The following DCAF6 variants were observed in gnomAD, a reference collection of about 807,000 sequenced individuals.
DCAF6 encodes DDB1- and CUL4-associated factor 6.
Under a neutral mutation model 125.1 loss-of-function variants are expected in DCAF6, and 54 were observed. That is an observed-to-expected ratio of 0.43 (90% confidence interval 0.35 to 0.54). The LOEUF is 0.54. Ranked by LOEUF, DCAF6 falls within the 20% of genes least tolerant of loss-of-function variation. DCAF6 has a pLI of 0.01. For synonymous variants in DCAF6, 371 were observed against 390.4 expected, an observed-to-expected ratio of 0.95 and a Z score of 0.58; for missense variants, 934 against 1,161.7, an observed-to-expected ratio of 0.80 and a Z score of 2.85.
Position 167,993,241 on chromosome 1 carries a change from G to C in DCAF6, c.704G>C (p.Arg235Pro), listed in dbSNP as rs1049258261. ...TCTTTTTTAGGGAATTATGCAGGTC[G>C]AGGGACTACTGGAATGGTTGCCCGT... Reference protein sequence around the residue: ...GTRATGNYAGRGTTGMVARFI... With the variant: ...GTRATGNYAGPGTTGMVARFI... Residue 235 changes from arginine (R) to proline (P), a missense_variant, in exon 7 of 22, where the codon CGA becomes CCA. Physicochemically the swap from Arg to Pro is moderately radical, Grantham distance 103 (BLOSUM62 -2). Coordinates refer to ENST00000367840, the MANE Select transcript of DCAF6 (RefSeq NM_001198956.2). The C allele has an allele frequency of 1.9e-6, 3 of 1,613,558 alleles. No individual in the cohort carries two copies. The African/African-American group carries it at 4.0e-5, about 22-fold the overall frequency.
At chr1:167,911,168 T>C in the DCAF6 span, among the ~76,000 whole-genome samples, 1 of 152,194 alleles carries the variant, frequency 6.6e-6, no homozygotes, top group Non-Finnish European at 1.5e-5. Flanking sequence ...CTGGGCAGTT[T>C]TAGGAAGTGT....
At chr1:167,981,140 C>T (rs189238313) in intron 4 of DCAF6, among the ~76,000 whole-genome samples, 4 of 152,130 alleles carry the variant, frequency 2.6e-5, no homozygotes, top group African/African-American at 9.6e-5. Context: ...CTCCTGAGCT[C>T]AGGTAATCTG....
intron 2 of DCAF6, among the ~76,000 whole-genome samples, chr1:167,960,559 C>A (rs1675430847): frequency 6.6e-6 from 1 of 152,140 alleles, no homozygotes; most frequent in Non-Finnish European, 1.5e-5. Flanking sequence ...GTCTTGGCCT[C>A]CCAAAGTGGT....
the DCAF6 span, chr1:167,870,519 G>A: frequency 1.6e-5 from 16 of 994,400 alleles, no homozygotes; most frequent in Admixed American, 1.0e-4. Context: ...TGGGCCAGGC[G>A]CTGTGGCTCA....
chr1:168,038,277 A>G (rs1688091692), intron 12 of DCAF6, 94 bp from the exon 13 acceptor site: 2 of 887,482 alleles, frequency 2.3e-6, no homozygotes, highest in African/African-American at 3.5e-5. Flanking sequence ...AATTATGACA[A>G]GGACAACCTA....
At chr1:168,031,164 G>A (rs911950420) in intron 12 of DCAF6, among the ~76,000 whole-genome samples, 3 of 152,126 alleles carry the variant, frequency 2.0e-5, no homozygotes, top group African/African-American at 7.2e-5. Flanking sequence ...GAAGTTAGAT[G>A]GAATTTTAAC....
chr1:167,972,498 A>G (rs75899813), intron 3 of DCAF6, among the ~76,000 whole-genome samples: 1,576 of 152,284 alleles, frequency 0.01, 34 homozygotes, highest in African/African-American at 0.034. Flanking sequence ...TATATTTTTA[A>G]AAGATAGCTC....
Position 167,936,903 on chromosome 1 carries a change from G to T in DCAF6, c.-9G>T, listed in dbSNP as rs757463143. The T allele has an allele frequency of 4.4e-6, 7 of 1,592,992 alleles. No individual in the cohort carries two copies. The highest frequency in any genetic ancestry group is 6.0e-6 in the Non-Finnish European group (7 of 1,171,064). The stretch of plus-strand genomic sequence containing the variant: ...GTGGTCTCCCCTCCCACCCGGCTCA[G>T]GCAGAGCCATGTCTCGGGGTGGCTC... On this transcript the variant is annotated 5_prime_UTR_variant, in exon 1 of 22. The change creates a new upstream start codon in the 5' untranslated region. Transcript: ENST00000367840.
chr1:167,872,133 G>T, the DCAF6 span, among the ~76,000 whole-genome samples: 38 of 152,278 alleles, frequency 2.5e-4, no homozygotes, highest in African/African-American at 8.7e-4. Context: ...CCTGAGGTCA[G>T]GAGTTCGAGA....
At chr1:167,872,070 G>T in the DCAF6 span, among the ~76,000 whole-genome samples, 1 of 152,174 alleles carries the variant, frequency 6.6e-6, no homozygotes, top group East Asian at 1.9e-4. Flanking sequence ...GGCTGGGAGC[G>T]GTGGCTCACG....
the DCAF6 span, among the ~76,000 whole-genome samples, chr1:167,903,200 G>A: frequency 6.6e-6 from 1 of 152,126 alleles, no homozygotes; most frequent in Admixed American, 6.5e-5. Flanking sequence ...AGGCTGCAGT[G>A]AGCTGAGATC....
At chr1:167,945,518 G>C (rs561946985) in intron 1 of DCAF6, among the ~76,000 whole-genome samples, 1 of 152,118 alleles carries the variant, frequency 6.6e-6, no homozygotes, top group South Asian at 2.1e-4. Context: ...TTGAGACGGA[G>C]TCTCACTCTG....
chr1:168,049,754 C>G (rs1178285378), intron 16 of DCAF6, among the ~76,000 whole-genome samples: 22 of 138,898 alleles, frequency 1.6e-4, no homozygotes, highest in Non-Finnish European at 2.9e-4. Flanking sequence ...CTCCCAGGTT[C>G]ACGCCATTCT....
intron 4 of DCAF6, among the ~76,000 whole-genome samples, chr1:167,980,689 C>A (rs1269562165): frequency 6.6e-6 from 1 of 151,674 alleles, no homozygotes; most frequent in Non-Finnish European, 1.5e-5. Flanking sequence ...TTATATATTC[C>A]GAATATTATG....
At chr1:167,877,107 T>C in the DCAF6 span, among the ~76,000 whole-genome samples, 1 of 151,942 alleles carries the variant, frequency 6.6e-6, no homozygotes. Context: ...GTTTTGTGAT[T>C]GCCCGTAAGG....
intron 1 of DCAF6, 53 bp from the exon 2 acceptor site, chr1:167,951,747 A>G (rs988572401): frequency 1.0e-5 from 12 of 1,197,920 alleles, no homozygotes; most frequent in Non-Finnish European, 1.5e-5. Flanking sequence ...TCTGTGTTAT[A>G]TTTTTCTCAG....
the DCAF6 span, chr1:167,924,676 T>C: frequency 1.7e-6 from 1 of 592,146 alleles, no homozygotes. Context: ...TTTTGCATAC[T>C]TTGTATTTCA....
At chr1:167,884,439 C>G in the DCAF6 span, among the ~76,000 whole-genome samples, 1 of 152,154 alleles carries the variant, frequency 6.6e-6, no homozygotes, top group Non-Finnish European at 1.5e-5. Flanking sequence ...CACCTCCTAC[C>G]AGTCCCCTCC....
At chr1:168,027,305 C>T (rs1297196220) in intron 12 of DCAF6, among the ~76,000 whole-genome samples, 1 of 152,020 alleles carries the variant, frequency 6.6e-6, no homozygotes, top group African/African-American at 2.4e-5. Context: ...AGGTTCAAAA[C>T]TGAGCATGTT....
Sources: allele counts gnomAD v4.1 joint callset (sites outside exome capture counted in the v4.1 genomes callset), GRCh38; gene constraint gnomAD v4.1.1; transcripts MANE v1.5; gene names NCBI Gene and HGNC (gene_info 2026-07-23, HGNC 2026-07-21).